The following PHC2 variants were observed in gnomAD, a reference collection of about 807,000 sequenced individuals.
The protein encoded by PHC2 is polyhomeotic-like protein 2.
Under a neutral mutation model 87.4 loss-of-function variants are expected in PHC2, and 29 were observed. The observed-to-expected ratio is 0.33, with a 90% CI of 0.25 to 0.45. The LOEUF (loss-of-function observed/expected upper bound fraction) is 0.45, where lower values mean the gene tolerates loss of function less well. Among genes scored for constraint, PHC2 ranks in the 20% least tolerant of loss-of-function variants. The pLI, the probability that PHC2 is intolerant of heterozygous loss-of-function variation, is 1.00. For synonymous variants in PHC2, 438 were observed against 461.7 expected (o/e 0.95, Z 0.66); for missense variants, 857 against 1,136.7 (o/e 0.75, Z 3.54).
At chr1:33,403,123 CTTTTT>C (rs34887101) in intron 1 of PHC2, among the ~76,000 whole-genome samples, 2 of 74,642 alleles carry the variant, frequency 2.7e-5, no homozygotes, top group Non-Finnish European at 4.8e-5. Flanking sequence ...GCCCGGCCCA[CTTTTT>C]TTTTTTTTTT....
intron 7 of PHC2, among the ~76,000 whole-genome samples, chr1:33,356,271 A>ATGTGTG (rs60212622): frequency 1.1e-5 from 1 of 87,072 alleles, no homozygotes; most frequent in South Asian, 3.9e-4. Flanking sequence ...ATATATATAT[A>ATGTGTG]TATATGTATA....
intron 7 of PHC2, among the ~76,000 whole-genome samples, chr1:33,360,909 G>A (rs755532161): frequency 3.3e-5 from 5 of 152,162 alleles, no homozygotes; most frequent in Non-Finnish European, 5.9e-5. Flanking sequence ...AAGTCAGTAA[G>A]GACAAAAAAG....
At chr1:33,381,099 C>A (rs1371528975) in intron 1 of PHC2, among the ~76,000 whole-genome samples, 1 of 152,164 alleles carries the variant, frequency 6.6e-6, no homozygotes, top group East Asian at 1.9e-4. Context: ...TGCAACCCCC[C>A]CAACTCTTCT....
chr1:33,381,730 G>A (rs1297283787), intron 1 of PHC2, among the ~76,000 whole-genome samples: 1 of 150,638 alleles, frequency 6.6e-6, no homozygotes, highest in African/African-American at 2.4e-5. Context: ...ATTTTCAGTT[G>A]AAAACGAACT....
intron 1 of PHC2, among the ~76,000 whole-genome samples, chr1:33,415,885 A>T (rs1207781644): frequency 2.0e-5 from 3 of 152,230 alleles, no homozygotes; most frequent in African/African-American, 7.2e-5. Context: ...ACTGGATGAG[A>T]TTAACAACAG....
At chr1:33,344,614 T>A (rs1646811429) in intron 9 of PHC2, among the ~76,000 whole-genome samples, 2 of 152,184 alleles carry the variant, frequency 1.3e-5, no homozygotes, top group Admixed American at 1.3e-4. Context: ...TTTTATTTTT[T>A]ATTTTTTGAG....
chr1:33,360,686 T>G (rs1224785709), intron 7 of PHC2, among the ~76,000 whole-genome samples: 1 of 152,270 alleles, frequency 6.6e-6, no homozygotes, highest in Non-Finnish European at 1.5e-5. Flanking sequence ...TGCTTTGAAC[T>G]TCTCAAAGAA....
chr1:33,333,067 C>T (rs976894206), intron 10 of PHC2, among the ~76,000 whole-genome samples: 1 of 152,142 alleles, frequency 6.6e-6, no homozygotes, highest in Non-Finnish European at 1.5e-5. Flanking sequence ...CTGCCTCCAC[C>T]CCATGAGATC....
chr1:33,343,531 T>C (rs1320686785), intron 9 of PHC2, among the ~76,000 whole-genome samples: 1 of 150,118 alleles, frequency 6.7e-6, no homozygotes, highest in Non-Finnish European at 1.5e-5. Context: ...GCTGGACAAG[T>C]TACTCTAGGC....
At chr1:33,354,030 T>G (rs1300486998) in intron 9 of PHC2, among the ~76,000 whole-genome samples, 1 of 152,108 alleles carries the variant, frequency 6.6e-6, no homozygotes, top group African/African-American at 2.4e-5. Flanking sequence ...TTGCCATATT[T>G]CCAATATCAA....
intron 1 of PHC2, among the ~76,000 whole-genome samples, chr1:33,412,312 T>C (rs1247276075): frequency 6.6e-6 from 1 of 152,244 alleles, no homozygotes; most frequent in African/African-American, 2.4e-5. Flanking sequence ...AGAGCCAGAA[T>C]TCTAGTTAGA....
At chr1:33,342,716 T>G (rs1481589097) in intron 9 of PHC2, among the ~76,000 whole-genome samples, 1 of 151,866 alleles carries the variant, frequency 6.6e-6, no homozygotes, top group East Asian at 1.9e-4. Context: ...CTGCAGGGAG[T>G]CAGGGAGGAG....
Position 33,364,814 on chromosome 1 carries a change from G to A in PHC2, c.976+2302C>T, listed in dbSNP as rs1647354147. On this transcript the variant is annotated intron_variant, in intron 7 of 14. Transcript: ENST00000683057. The surrounding 1 kb of genome is among the most constrained non-coding windows in gnomAD (Gnocchi z 4.1). ...AGCTGCAGCTCACAGCTGCTCCATA[G>A]AAAGTTCTGTGGAGCCACTGGTCTC... 6.6e-6 allele frequency among the ~76,000 whole-genome samples: 1 copy of A among 152,220 alleles called. No individual in the cohort carries two copies. The highest frequency in any genetic ancestry group is 2.1e-4 in the South Asian group (1 of 4,834).
intron 1 of PHC2, among the ~76,000 whole-genome samples, chr1:33,412,175 T>TA (rs1194135847): frequency 2.0e-5 from 3 of 152,108 alleles, no homozygotes; most frequent in Non-Finnish European, 4.4e-5. Flanking sequence ...ATTGTGTTTG[T>TA]AAAAAATCCT....
chr1:33,335,134 AAC>A, intron 9 of PHC2: 3 of 960,268 alleles, frequency 3.1e-6, no homozygotes, highest in Non-Finnish European at 3.7e-6. Context: ...TAAAAGACCT[AAC>A]AGAGTGCTCC....
At chr1:33,344,384 G>A (rs1646806527) in intron 9 of PHC2, among the ~76,000 whole-genome samples, 1 of 152,100 alleles carries the variant, frequency 6.6e-6, no homozygotes, top group Admixed American at 6.5e-5. Context: ...CTGGGAGGAG[G>A]GAACACTAAG....
intron 1 of PHC2, among the ~76,000 whole-genome samples, chr1:33,393,670 C>A (rs1203872646): frequency 5.7e-5 from 1 of 17,504 alleles, no homozygotes; most frequent in Non-Finnish European, 1.1e-4. Flanking sequence ...ATTTTGCTGT[C>A]ATTGTTGTTA....
At chr1:33,360,221 A>G (rs1647169134) in intron 7 of PHC2, among the ~76,000 whole-genome samples, 1 of 152,276 alleles carries the variant, frequency 6.6e-6, no homozygotes. Flanking sequence ...GGGGCACTCT[A>G]TGATAGTCTG....
At chr1:33,390,162 A>G (rs1462530043) in intron 1 of PHC2, among the ~76,000 whole-genome samples, 1 of 152,204 alleles carries the variant, frequency 6.6e-6, no homozygotes, top group Admixed American at 6.5e-5. Flanking sequence ...ACCATGGGGC[A>G]GGTGGAATTC....
Sources: allele counts gnomAD v4.1 joint callset (sites outside exome capture counted in the v4.1 genomes callset), GRCh38; gene constraint gnomAD v4.1.1; non-coding constraint Gnocchi (gnomAD v3.1); transcripts MANE v1.5; gene names NCBI Gene and HGNC (gene_info 2026-07-23, HGNC 2026-07-21).